JAML: variants seen among roughly 807,000 people sequenced by gnomAD.
JAML encodes the protein junction adhesion molecule like.
A neutral mutation model predicts 39.3 loss-of-function variants in JAML; 25 were observed. The ratio of observed to expected loss-of-function variants is 0.64; its 90% CI spans 0.46 to 0.89. The LOEUF (loss-of-function observed/expected upper bound fraction) is 0.89, where lower values mean the gene tolerates loss of function less well. JAML is among the 40% of genes least tolerant of loss of function. JAML has a pLI of 0.00. For synonymous variants in JAML, 162 were observed against 179.2 expected, an observed-to-expected ratio of 0.90 and a Z score of 0.77; for missense variants, 440 against 486.9, an observed-to-expected ratio of 0.90 and a Z score of 0.91.
chr11:118,222,843 C>T lies in JAML; in HGVS notation c.-21+2098G>A, dbSNP rs1172866725. Among the ~76,000 whole-genome samples the T allele has an allele frequency of 6.6e-6, 1 of 152,060 alleles. No individual in the cohort carries two copies. Among genetic ancestry groups the T allele is most frequent in the East Asian group, 1.9e-4 (1 of 5,178 alleles). Reference sequence around the variant, plus strand: ...GGCATGGTGGCTCACGCCTGTCATCCCAGAACTTTGGGAGGCTGAGGTGGG... The same window carrying T: ...GGCATGGTGGCTCACGCCTGTCATCTCAGAACTTTGGGAGGCTGAGGTGGG... On this transcript the variant is annotated intron_variant, in intron 1 of 9. Transcript: ENST00000356289. This position sits in a 1 kb window ranked among gnomAD's most constrained non-coding sequence, Gnocchi z 4.2.
At chr11:118,207,857 T>C (rs897623404) in intron 4 of JAML, among the ~76,000 whole-genome samples, 2 of 152,178 alleles carry the variant, frequency 1.3e-5, no homozygotes, top group Non-Finnish European at 1.5e-5. Flanking sequence ...ATTGACTCCT[T>C]GTGGTTCCCT....
intron 1 of JAML, among the ~76,000 whole-genome samples, chr11:118,223,714 A>T (rs917045576): frequency 1.3e-5 from 2 of 152,104 alleles, no homozygotes; most frequent in Admixed American, 1.3e-4. Flanking sequence ...TAGTGACTCT[A>T]TACTAATCTT....
chr11:118,198,925 C>T (rs1296082486), intron 7 of JAML, among the ~76,000 whole-genome samples: 1 of 152,174 alleles, frequency 6.6e-6, no homozygotes, highest in Non-Finnish European at 1.5e-5. Flanking sequence ...TCCTTCCAAG[C>T]CTCTCTCAGT....
intron 7 of JAML, among the ~76,000 whole-genome samples, chr11:118,198,997 A>AT (rs1384465243): frequency 1.3e-5 from 2 of 152,080 alleles, no homozygotes; most frequent in African/African-American, 4.8e-5. Context: ...GCATCATATT[A>AT]TTTTCTCTTT....
In JAML at chr11:118,194,218, G is replaced by A. The variant is rs925081114; in HGVS notation, c.*107C>T. The A allele has an allele frequency of 1.3e-5, 13 of 969,002 alleles. No individual in the cohort carries two copies. Among genetic ancestry groups the A allele is most frequent in the African/African-American group, 1.3e-4 (8 of 62,286 alleles). The allele number at this position is 969,002 out of a possible 1,614,324, so 60.0% of individuals were successfully genotyped here. A position where few individuals can be genotyped will look rare whatever the true frequency, so the allele number is the denominator to read the frequency against. ...GTGTATTGACCAAACAATGAGACAG[G>A]AGGACAGCTGGGAGAGCGGGAGTCT... On this transcript the variant is annotated 3_prime_UTR_variant, in exon 10 of 10. Transcript: ENST00000356289.
At chr11:118,208,372 G>A (rs1481902464) in intron 4 of JAML, among the ~76,000 whole-genome samples, 1 of 152,178 alleles carries the variant, frequency 6.6e-6, no homozygotes, top group East Asian at 1.9e-4. Context: ...GGGGCCAGAG[G>A]CCACCTACTA....
rs1948698885 is a variant in JAML, at chr11:118,198,093, T to A, written c.912-2A>T. 6.2e-7 allele frequency: 1 copy of A among 1,612,984 alleles called. No individual in the cohort carries two copies. The highest frequency in any genetic ancestry group is 1.7e-4 in the Middle Eastern group (1 of 6,058). On this transcript the variant is annotated splice_acceptor_variant, in intron 7 of 9. Transcript: ENST00000356289. LOFTEE classifies it high-confidence loss of function. ...ACCAAGACTGTAGAATTCACTGAAC[T>A]GCAAGACATGAAAAGCATGTGGAAT...
rs201301336 is a variant in JAML at position 118,212,524 on chromosome 11, C to A, written c.81G>T (p.Pro27=). Residue 27 remains proline (P), a synonymous_variant, in exon 3 of 10, where the codon CCG becomes CCT. Coordinates refer to ENST00000356289, the MANE Select transcript of JAML (RefSeq NM_001098526.2). The part of the protein sequence containing the change: ...SLGLNDLNVS[P]PELTVHVGDS... The stretch of plus-strand genomic sequence containing the variant: ...CACCCACATGGACTGTTAGCTCAGG[C>A]GGGGAAACATTCAAGTCATTCAGGC... 1 of 1,613,940 alleles carries A rather than the reference C, an allele frequency of 6.2e-7. No homozygotes were observed. Among genetic ancestry groups the A allele is most frequent in the Admixed American group, 1.7e-5 (1 of 59,996 alleles).
Position 118,212,894 on chromosome 11 carries a change from T to G in JAML, c.44-333A>C, listed in dbSNP as rs752870142. 3 of 1,614,248 alleles carry G rather than the reference T, an allele frequency of 1.9e-6. No individual in the cohort carries two copies. In the Admixed American group the frequency reaches 5.0e-5, roughly 27 times the overall value. ...AGTCTCTCCTTTCTGATCATCAATT[T>G]AGAAACTCACCTCCACTTACCATAA... On this transcript the variant is annotated intron_variant, in intron 2 of 9. Transcript: ENST00000356289.
At chr11:118,219,283 GT>G (rs1040687271) in intron 1 of JAML, among the ~76,000 whole-genome samples, 1 of 152,174 alleles carries the variant, frequency 6.6e-6, no homozygotes, top group African/African-American at 2.4e-5. Flanking sequence ...ACAAATGCTG[GT>G]GAGGATGCAG....
chr11:118,206,457 C>G (rs1048731687), intron 4 of JAML, among the ~76,000 whole-genome samples: 1 of 152,200 alleles, frequency 6.6e-6, no homozygotes, highest in African/African-American at 2.4e-5. Context: ...TTAGCATAAA[C>G]AGGAAGTGGA....
chr11:118,196,405 G>C (rs981497471), intron 9 of JAML, among the ~76,000 whole-genome samples: 1 of 152,168 alleles, frequency 6.6e-6, no homozygotes, highest in Non-Finnish European at 1.5e-5. Flanking sequence ...TGGGATTTCA[G>C]GCATGAGCCA....
chr11:118,216,526 T>C (rs987683135), intron 1 of JAML, among the ~76,000 whole-genome samples: 3 of 152,230 alleles, frequency 2.0e-5, no homozygotes, highest in Non-Finnish European at 4.4e-5. Flanking sequence ...GCTGAACCTG[T>C]TTCCTTGCCT....
chr11:118,221,196 C>G lies in JAML; in HGVS notation c.-21+3745G>C, dbSNP rs140788880. ...AAAAGGCAAAATTAAAAGAAGCATG[C>G]GTAATAATTACATGGCTAGTCCTAG... On this transcript the variant is annotated intron_variant, in intron 1 of 9. Coordinates refer to ENST00000356289, the MANE Select transcript of JAML (RefSeq NM_001098526.2). 4.6e-5 allele frequency among the ~76,000 whole-genome samples: 7 copies of G among 152,232 alleles called. No homozygotes were observed. In the East Asian group the frequency reaches 1.4e-3, roughly 29 times the overall value.
intron 8 of JAML, chr11:118,197,047 G>C (rs769885892): frequency 2.4e-5 from 11 of 458,876 alleles, no homozygotes; most frequent in Non-Finnish European, 3.9e-5. Context: ...TGCTTCAAAA[G>C]CCAAACATCT....
intron 1 of JAML, among the ~76,000 whole-genome samples, chr11:118,215,954 G>A (rs57308250): frequency 6.6e-6 from 1 of 152,060 alleles, no homozygotes; most frequent in Non-Finnish European, 1.5e-5. Flanking sequence ...CCACCCTGCC[G>A]CTGGGGAGAT....
intron 1 of JAML, among the ~76,000 whole-genome samples, chr11:118,220,286 G>T (rs2134678868): frequency 6.6e-6 from 1 of 152,226 alleles, no homozygotes; most frequent in East Asian, 1.9e-4. Context: ...GTGCAGAGAA[G>T]TCTTTCTGAT....
intron 1 of JAML, among the ~76,000 whole-genome samples, chr11:118,217,002 T>G (rs1266024269): frequency 1.3e-5 from 2 of 151,942 alleles, no homozygotes; most frequent in Admixed American, 1.3e-4. Flanking sequence ...CCCCAGGGAG[T>G]TGGTTGTGCT....
chr11:118,215,382 TG>T (rs953271802), intron 1 of JAML, among the ~76,000 whole-genome samples: 1 of 152,106 alleles, frequency 6.6e-6, no homozygotes, highest in Non-Finnish European at 1.5e-5. Flanking sequence ...AGGAAGAGGT[TG>T]GGGGAGGGAA....
Sources: gnomAD v4.1 joint callset for allele counts (sites outside exome capture counted in the v4.1 genomes callset) on GRCh38, gnomAD v4.1.1 for gene constraint, Gnocchi (gnomAD v3.1) non-coding constraint, MANE v1.5 for transcripts, NCBI Gene and HGNC (gene_info 2026-07-23, HGNC 2026-07-21) for gene names.